ZNF223: variants seen among roughly 807,000 people sequenced by gnomAD.
ZNF223 encodes the protein Homo sapiens zinc finger protein 223.
In ZNF223, 9 loss-of-function variants were observed where a neutral mutation model predicts 12.3. The observed-to-expected ratio is 0.73, with a 90% CI of 0.44 to 1.28. The LOEUF (loss-of-function observed/expected upper bound fraction) is 1.28. Ranked by LOEUF, ZNF223 falls within the 50% of genes most tolerant of loss-of-function variation. ZNF223 has a pLI of 0.00. For synonymous variants in ZNF223, 171 were observed against 195.2 expected (o/e 0.88, Z 1.03); for missense variants, 506 against 579.0 (o/e 0.87, Z 1.29).
intron 2 of ZNF223, 129 bp from the exon 3 acceptor site, chr19:44,060,326 C>T (rs1359485951): frequency 7.0e-7 from 1 of 1,431,946 alleles, no homozygotes; most frequent in East Asian, 2.3e-5. Flanking sequence ...AATGGGAATT[C>T]TATAAGTTGA....
chr19:44,056,905 A>T (rs1415957112), intron 2 of ZNF223, among the ~76,000 whole-genome samples: 1 of 152,066 alleles, frequency 6.6e-6, no homozygotes, highest in Non-Finnish European at 1.5e-5. Flanking sequence ...CGCCTCACAC[A>T]TTGTTACCAG....
intron 4 of ZNF223, among the ~76,000 whole-genome samples, chr19:44,064,829 G>C (rs1274894500): frequency 6.6e-6 from 1 of 152,084 alleles, no homozygotes; most frequent in African/African-American, 2.4e-5. Context: ...TATTCTCACA[G>C]TAGAGTCGGG....
intron 1 of ZNF223, 105 bp from the exon 2 acceptor site, chr19:44,055,004 G>T: frequency 1.8e-6 from 1 of 556,120 alleles, no homozygotes; most frequent in Non-Finnish European, 3.2e-6. Context: ...GAATAATGCT[G>T]CTGTGAGCGT....
chr19:44,060,944 G>C, intron 4 of ZNF223, 103 bp downstream of exon 4: 1 of 1,163,592 alleles, frequency 8.6e-7, no homozygotes, highest in African/African-American at 1.5e-5. Flanking sequence ...AAACATCTTT[G>C]CTGGATTATG....
At position 44,066,866 on chromosome 19, in the gene ZNF223, T is replaced by A; in HGVS notation, c.1038T>A (p.Cys346Ter). Residue 346 changes from cysteine (C) to a stop codon, truncating the protein, a stop_gained, in exon 5 of 5, where the codon TGT (cysteine) becomes TGA (stop). Coordinates refer to ENST00000434772, the MANE Select transcript of ZNF223 (RefSeq NM_013361.6). LOFTEE classifies it low-confidence loss of function (END_TRUNC). ...TIHTGEKPYN[C>*]KECGKSFRRS... is the part of the protein sequence containing the mutation. Reference sequence around the variant, plus strand: ...ACACAGGAGAGAAACCATATAATTGTAAAGAATGTGGGAAGAGCTTCAGAC... The same window carrying A: ...ACACAGGAGAGAAACCATATAATTGAAAAGAATGTGGGAAGAGCTTCAGAC... 1 of 1,614,186 alleles carries A rather than the reference T, an allele frequency of 6.2e-7. No individual in the cohort carries two copies. The highest frequency in any genetic ancestry group is 8.5e-7 in the Non-Finnish European group (1 of 1,180,040).
chr19:44,055,487 G>A (rs563730421), intron 2 of ZNF223, among the ~76,000 whole-genome samples: 6 of 150,882 alleles, frequency 4.0e-5, no homozygotes, highest in Admixed American at 3.3e-4. Context: ...TAGTAATACT[G>A]GGCTGGGTGC....
chr19:44,056,903 AC>A (rs1192124542), intron 2 of ZNF223, among the ~76,000 whole-genome samples: 1 of 152,058 alleles, frequency 6.6e-6, no homozygotes, highest in Non-Finnish European at 1.5e-5. Context: ...CCCGCCTCAC[AC>A]ATTGTTACCA....
Position 44,066,449 on chromosome 19 carries a change from C to A in ZNF223, c.621C>A (p.Asp207Glu), listed in dbSNP as rs531526137. ...TGGGAGAGAAACTCTTTAAGTGTGA[C>A]GTGTGTGGTAAGGAATTCAGTCAGA... ...VHLGEKLFKC[D>E]VCGKEFSQSL... The change falls in exon 5 of 5, where the codon GAC becomes GAA. Residue 207 changes from aspartate (D) to glutamate (E), a missense_variant. Coordinates refer to ENST00000434772, the MANE Select transcript of ZNF223 (RefSeq NM_013361.6). 1 of 1,614,030 alleles carries A rather than the reference C, an allele frequency of 6.2e-7. No individual in the cohort carries two copies. Among genetic ancestry groups the A allele is most frequent in the African/African-American group, 1.3e-5 (1 of 74,908 alleles).
Position 44,052,872 on chromosome 19 carries a change from G to A in ZNF223, c.-69+677G>A, listed in dbSNP as rs555161707. ...TAAATAATACTGTTACCGATTACAT[G>A]TCAGATAGATGTGTTAAAAGAATAC... On this transcript the variant is annotated intron_variant, in intron 1 of 4. Coordinates refer to ENST00000434772, the MANE Select transcript of ZNF223 (RefSeq NM_013361.6). Among the ~76,000 whole-genome samples, 18 of 152,076 alleles carry A rather than the reference G, an allele frequency of 1.2e-4. No individual in the cohort carries two copies. The South Asian group carries it at 3.7e-3, about 32-fold the overall frequency.
chr19:44,051,936 T>G (rs992238523), upstream of ZNF223: 16 of 152,270 alleles, frequency 1.1e-4, no homozygotes, highest in African/African-American at 3.9e-4. Flanking sequence ...CCAGACACTC[T>G]GCGGAGTCCC....
chr19:44,053,229 C>G (rs1976723910), intron 1 of ZNF223, among the ~76,000 whole-genome samples: 1 of 152,002 alleles, frequency 6.6e-6, no homozygotes. Flanking sequence ...CCCAGGGGAC[C>G]GGCGCTCAGC....
chr19:44,062,811 T>TA (rs1310855885), intron 4 of ZNF223, among the ~76,000 whole-genome samples: 16 of 152,360 alleles, frequency 1.1e-4, no homozygotes, highest in African/African-American at 3.6e-4. Flanking sequence ...CATTTGCCTT[T>TA]TCCAAAGTCG....
intron 2 of ZNF223, among the ~76,000 whole-genome samples, chr19:44,057,958 A>G (rs1316251101): frequency 6.6e-6 from 1 of 152,130 alleles, no homozygotes; most frequent in Non-Finnish European, 1.5e-5. Context: ...CTGGCCATCC[A>G]GGGCTCAAGA....
chr19:44,058,639 G>T (rs932982505), intron 2 of ZNF223, among the ~76,000 whole-genome samples: 24 of 152,196 alleles, frequency 1.6e-4, no homozygotes, highest in African/African-American at 5.8e-4. Context: ...GTTGGCAGTT[G>T]CAGACCCACT....
At chr19:44,058,664 TA>T (rs1432277694) in intron 2 of ZNF223, among the ~76,000 whole-genome samples, 2 of 152,236 alleles carry the variant, frequency 1.3e-5, no homozygotes, top group African/African-American at 4.8e-5. Flanking sequence ...CCAGTAGGGC[TA>T]AAAGCACAGA....
rs1018610163 is a variant in ZNF223 at position 44,060,471 on chromosome 19, A to G, written c.32A>G (p.Lys11Arg). Residue 11 changes from lysine (K) to arginine (R), a missense_variant, in exon 3 of 5, where the codon AAG becomes AGG. Transcript: ENST00000434772. MTMSKEAVTF[K>R]DVAVVFTEEE... ...ATGCTGTAGGAGGCAGTGACCTTCA[A>G]GGATGTGGCAGTGGTCTTCACTGAG... 6.2e-7 allele frequency: 1 copy of G among 1,614,088 alleles called. No homozygotes were observed. Among genetic ancestry groups the G allele is most frequent in the African/African-American group, 1.3e-5 (1 of 75,014 alleles).
intron 1 of ZNF223, among the ~76,000 whole-genome samples, chr19:44,053,830 G>A (rs150500143): frequency 3.9e-5 from 6 of 152,306 alleles, no homozygotes; most frequent in African/African-American, 9.6e-5. Context: ...CTGGTTAATC[G>A]AGACTGGAGA....
chr19:44,054,479 T>C (rs1019553553), intron 1 of ZNF223, among the ~76,000 whole-genome samples: 5 of 152,212 alleles, frequency 3.3e-5, no homozygotes, highest in Admixed American at 2.6e-4. Context: ...CTATAAATAT[T>C]CTATCAATGT....
chr19:44,059,000 A>G (rs931483058), intron 2 of ZNF223, among the ~76,000 whole-genome samples: 43 of 152,090 alleles, frequency 2.8e-4, no homozygotes, highest in African/African-American at 9.4e-4. Flanking sequence ...GACATTGCCC[A>G]CCCTGTATCT....
Sources: gnomAD v4.1 joint callset for allele counts (sites outside exome capture counted in the v4.1 genomes callset) on GRCh38, gnomAD v4.1.1 for gene constraint, MANE v1.5 for transcripts, NCBI Gene and HGNC (gene_info 2026-07-23, HGNC 2026-07-21) for gene names.